Variants in MYO5B observed in about 807,000 individuals in gnomAD.
MYO5B encodes myosin VB.
Under a neutral mutation model 229.3 loss-of-function variants are expected in MYO5B, and 143 were observed. That is an observed-to-expected ratio of 0.62 (90% CI 0.54 to 0.72). MYO5B has a LOEUF of 0.72. Ranked by LOEUF, MYO5B falls within the 30% of genes least tolerant of loss-of-function variation. MYO5B has a pLI of 0.00. For synonymous variants in MYO5B, 918 were observed against 885.2 expected (o/e 1.04, Z -0.66); for missense variants, 2,321 against 2,331.0 (o/e 1.00, Z 0.09).
intron 4 of MYO5B, among the ~76,000 whole-genome samples, chr18:50,019,788 G>A (rs1375422221): frequency 6.6e-6 from 1 of 152,138 alleles, no homozygotes. Flanking sequence ...TTTCCTCCCT[G>A]GTACTCAAAT....
chr18:49,979,612 A>T (rs1440216390), intron 9 of MYO5B, among the ~76,000 whole-genome samples: 2 of 152,230 alleles, frequency 1.3e-5, no homozygotes, highest in Non-Finnish European at 2.9e-5. Flanking sequence ...ACGTGCCCTC[A>T]GGTAGTGTTG....
intron 22 of MYO5B, among the ~76,000 whole-genome samples, chr18:49,882,976 A>T (rs1441975182): frequency 6.6e-6 from 1 of 152,250 alleles, no homozygotes; most frequent in Non-Finnish European, 1.5e-5. Context: ...ATAGATTCAA[A>T]AATCCTCAAC....
chr18:49,829,863 GGAGAA>G (rs1188818033), intron 39 of MYO5B, among the ~76,000 whole-genome samples: 1 of 152,106 alleles, frequency 6.6e-6, no homozygotes, highest in African/African-American at 2.4e-5. Context: ...CTCAATCGAT[GGAGAA>G]AAGCATTTGC....
intron 1 of MYO5B, among the ~76,000 whole-genome samples, chr18:50,087,783 T>C (rs980819049): frequency 2.0e-5 from 3 of 152,068 alleles, no homozygotes; most frequent in Non-Finnish European, 2.9e-5. Context: ...TTTTGATTGA[T>C]GAGGCACCCT....
chr18:50,140,830 G>C (rs2144285964), intron 1 of MYO5B, among the ~76,000 whole-genome samples: 1 of 152,334 alleles, frequency 6.6e-6, no homozygotes, highest in Admixed American at 6.5e-5. Context: ...ATTAAAAGCT[G>C]TTGTACTTAT....
intron 21 of MYO5B, 113 bp from the exon 22 acceptor site, chr18:49,895,287 T>C: frequency 1.2e-6 from 1 of 853,872 alleles, no homozygotes; most frequent in East Asian, 2.6e-5. Context: ...CAAGGTAGGA[T>C]TAAGTCTCAC....
At chr18:50,021,326 A>C (rs2026272052) in intron 4 of MYO5B, among the ~76,000 whole-genome samples, 2 of 152,190 alleles carry the variant, frequency 1.3e-5, no homozygotes, top group Admixed American at 6.5e-5. Context: ...GGAGAGAGAC[A>C]CAAGAATTGA....
intron 12 of MYO5B, among the ~76,000 whole-genome samples, chr18:49,959,762 GA>G (rs1434552653): frequency 6.6e-6 from 1 of 152,134 alleles, no homozygotes; most frequent in African/African-American, 2.4e-5. Context: ...ATGGGAAGAG[GA>G]TATTAGGAAA....
At chr18:50,161,415 C>T (rs2032763583) in intron 1 of MYO5B, among the ~76,000 whole-genome samples, 1 of 151,990 alleles carries the variant, frequency 6.6e-6, no homozygotes, top group South Asian at 2.1e-4. Flanking sequence ...CCATGAAGGA[C>T]CGCTCCCCTC....
At chr18:49,946,583 C>T (rs1598903144) in intron 14 of MYO5B, among the ~76,000 whole-genome samples, 1 of 152,104 alleles carries the variant, frequency 6.6e-6, no homozygotes, top group African/African-American at 2.4e-5. Context: ...TAATTTTATA[C>T]ATTAAACAGG....
At chr18:49,925,307 G>T (rs1047825774) in intron 17 of MYO5B, among the ~76,000 whole-genome samples, 1 of 152,186 alleles carries the variant, frequency 6.6e-6, no homozygotes, top group Non-Finnish European at 1.5e-5. Context: ...ATATGCCTGT[G>T]ACCTGGAAGC....
chr18:50,096,887 C>T (rs1046899556), intron 1 of MYO5B, among the ~76,000 whole-genome samples: 1 of 152,206 alleles, frequency 6.6e-6, no homozygotes, highest in Non-Finnish European at 1.5e-5. Flanking sequence ...ATACCCCTAC[C>T]TTCAGACAAC....
chr18:49,977,045 C>T (rs11873518), intron 9 of MYO5B, among the ~76,000 whole-genome samples: 42,732 of 152,060 alleles, frequency 0.28, 6,511 homozygotes, highest in Admixed American at 0.4. Flanking sequence ...CCTCCCCTGC[C>T]TAAGGCCTCG....
At chr18:50,086,009 T>C (rs1472580493) in intron 1 of MYO5B, among the ~76,000 whole-genome samples, 2 of 152,088 alleles carry the variant, frequency 1.3e-5, no homozygotes, top group African/African-American at 2.4e-5. Flanking sequence ...GGCACATGTA[T>C]ACATATGTAA....
chr18:50,033,915 G>C (rs940726953), intron 4 of MYO5B, among the ~76,000 whole-genome samples: 2 of 151,764 alleles, frequency 1.3e-5, no homozygotes, highest in Admixed American at 6.6e-5. Flanking sequence ...GAACTCTTGG[G>C]GGGTGGGTAT....
chr18:49,961,608 A>G lies in MYO5B; in HGVS notation c.1545+658T>C, dbSNP rs1293157278. On this transcript the variant is annotated intron_variant, in intron 12 of 39. Transcript: ENST00000285039. The stretch of plus-strand genomic sequence containing the variant: ...TGTTTCCATCCCTGGAGGAACTGGT[A>G]TATATTTACCCCTTTTAGCAATCAA... Among the ~76,000 whole-genome samples the G allele has an allele frequency of 2.6e-5, 4 of 152,242 alleles. No individual in the cohort carries two copies. In the East Asian group the frequency reaches 5.8e-4, roughly 22 times the overall value.
At chr18:50,039,266 T>TTTAAA (rs1351995048) in intron 3 of MYO5B, among the ~76,000 whole-genome samples, 1 of 152,216 alleles carries the variant, frequency 6.6e-6, no homozygotes, top group Non-Finnish European at 1.5e-5. Flanking sequence ...AGCAATACTC[T>TTTAAA]TTAAAAAGAG....
chr18:50,024,428 C>T (rs2026309605), intron 4 of MYO5B, among the ~76,000 whole-genome samples: 1 of 152,204 alleles, frequency 6.6e-6, no homozygotes, highest in Non-Finnish European at 1.5e-5. Context: ...TCTCAAAAGA[C>T]ATCCCATAAT....
At chr18:50,130,532 C>CT (rs1448693088) in intron 1 of MYO5B, among the ~76,000 whole-genome samples, 1 of 152,166 alleles carries the variant, frequency 6.6e-6, no homozygotes, top group Admixed American at 6.5e-5. Flanking sequence ...GCAAAGGCTC[C>CT]TTCAAAAGGA....
Sources: gnomAD v4.1 joint callset for allele counts (sites outside exome capture counted in the v4.1 genomes callset) on GRCh38, gnomAD v4.1.1 for gene constraint, MANE v1.5 for transcripts, NCBI Gene and HGNC (gene_info 2026-07-23, HGNC 2026-07-21) for gene names.